The following INPP4B variants were observed in gnomAD, a reference collection of about 807,000 sequenced individuals.
INPP4B encodes the protein inositol polyphosphate 4-phosphatase type II.
A neutral mutation model predicts 122.5 loss-of-function variants in INPP4B; 55 were observed. The observed-to-expected ratio is 0.45, with a 90% CI of 0.36 to 0.56. The LOEUF is 0.56. INPP4B is among the 20% of genes least tolerant of loss of function. The pLI is 0.00. For synonymous variants in INPP4B, 403 were observed against 388.7 expected (o/e 1.04, Z -0.43); for missense variants, 1,000 against 1,097.7 (o/e 0.91, Z 1.26).
chr4:142,035,296 T>G (rs1439582688), intron 25 of INPP4B, among the ~76,000 whole-genome samples: 3 of 152,152 alleles, frequency 2.0e-5, no homozygotes, highest in African/African-American at 4.8e-5. Flanking sequence ...GAGGTTAGGA[T>G]GAATGAGATC....
At chr4:142,508,365 C>G (rs2042644) in intron 2 of INPP4B, among the ~76,000 whole-genome samples, 26,535 of 152,084 alleles carry the variant, frequency 0.17, 2,514 homozygotes, top group East Asian at 0.37. Flanking sequence ...CCTCTGCTCC[C>G]AGATTCAAGT....
At chr4:142,802,004 C>T (rs534401010) in intron 1 of INPP4B, among the ~76,000 whole-genome samples, 3 of 152,086 alleles carry the variant, frequency 2.0e-5, no homozygotes, top group Non-Finnish European at 4.4e-5. Context: ...TTAAAAAAGA[C>T]TCAGTTAGGG....
chr4:142,579,896 T>C (rs1302127949), intron 2 of INPP4B, among the ~76,000 whole-genome samples: 1 of 150,552 alleles, frequency 6.6e-6, no homozygotes, highest in Non-Finnish European at 1.5e-5. Context: ...GATAGATAGA[T>C]AGATAGATAG....
intron 25 of INPP4B, among the ~76,000 whole-genome samples, chr4:142,062,756 AACAAACAAACAAACAAACAG>A (rs1177254062): frequency 0.025 from 3,843 of 151,326 alleles, 178 homozygotes; most frequent in African/African-American, 0.089. Context: ...CAAACAAACA[AACAAACAAACAAACAAACAG>A]ACAAACAAAC....
chr4:142,733,909 T>G (rs549496901), intron 1 of INPP4B, among the ~76,000 whole-genome samples: 2 of 152,326 alleles, frequency 1.3e-5, no homozygotes, highest in East Asian at 3.9e-4. Context: ...TGCTATGCAT[T>G]AATGAGACTG....
At chr4:142,323,681 G>C (rs773299497) in intron 7 of INPP4B, among the ~76,000 whole-genome samples, 3 of 151,526 alleles carry the variant, frequency 2.0e-5, no homozygotes, top group African/African-American at 7.3e-5. Context: ...TCCTGACCTT[G>C]TGATCTGCCC....
chr4:142,447,109 A>C (rs754412617), intron 3 of INPP4B, among the ~76,000 whole-genome samples: 33 of 152,222 alleles, frequency 2.2e-4, no homozygotes, highest in Admixed American at 3.3e-4. Context: ...ATTCTGAAGC[A>C]GTGCGGTAGG....
chr4:142,302,975 C>T (rs1279300720), intron 9 of INPP4B, among the ~76,000 whole-genome samples: 1 of 152,004 alleles, frequency 6.6e-6, no homozygotes, highest in Non-Finnish European at 1.5e-5. Context: ...GAATAGAAAC[C>T]ACTTTATACA....
chr4:142,634,947 AGTTAT>A (rs1202178841), intron 2 of INPP4B, among the ~76,000 whole-genome samples: 22 of 152,148 alleles, frequency 1.4e-4, no homozygotes, highest in Non-Finnish European at 2.5e-4. Flanking sequence ...TTAATAAGTT[AGTTAT>A]GTTATGCATC....
intron 1 of INPP4B, among the ~76,000 whole-genome samples, chr4:142,795,944 C>A (rs1777183436): frequency 6.6e-6 from 1 of 151,924 alleles, no homozygotes; most frequent in African/African-American, 2.4e-5. Context: ...TATTTTCTCG[C>A]CTAATTTAAT....
intron 11 of INPP4B, among the ~76,000 whole-genome samples, chr4:142,247,339 T>C (rs1176069843): frequency 1.3e-5 from 2 of 152,202 alleles, no homozygotes; most frequent in African/African-American, 4.8e-5. Flanking sequence ...CCTCTTTTTC[T>C]ATTGTTTGGA....
intron 7 of INPP4B, among the ~76,000 whole-genome samples, chr4:142,398,445 TAA>T (rs1554048511): frequency 4.0e-5 from 3 of 74,568 alleles, no homozygotes; most frequent in African/African-American, 1.4e-4. Context: ...TATATATATA[TAA>T]AACATATTAA....
chr4:142,330,226 A>G (rs1301765030), intron 7 of INPP4B, among the ~76,000 whole-genome samples: 2 of 152,226 alleles, frequency 1.3e-5, no homozygotes, highest in Non-Finnish European at 2.9e-5. Context: ...AATACAAAAT[A>G]GAAGAGCCCC....
intron 5 of INPP4B, among the ~76,000 whole-genome samples, chr4:142,422,072 TTCTTAA>T (rs1276412967): frequency 3.9e-5 from 6 of 152,072 alleles, no homozygotes; most frequent in African/African-American, 1.4e-4. Flanking sequence ...GAATCTAGGA[TTCTTAA>T]TCTGTCCAGT....
rs537298523 is a variant in INPP4B, at chr4:142,292,163, C to G, written c.503+13295G>C. Among the ~76,000 whole-genome samples the G allele has an allele frequency of 6.6e-5, 10 of 152,200 alleles. No homozygotes were observed. The South Asian group carries it at 8.3e-4, about 13-fold the overall frequency. ...ATTTTTCTATTAAAGTATAGGAGAT[C>G]CTTTTCTTTAAATCTGGCTTATAAA... On this transcript the variant is annotated intron_variant, in intron 9 of 25. Transcript: ENST00000262992.
chr4:142,400,127 A>G (rs1015858138), intron 7 of INPP4B, among the ~76,000 whole-genome samples: 1 of 152,220 alleles, frequency 6.6e-6, no homozygotes, highest in Non-Finnish European at 1.5e-5. Context: ...CTTTAAAAAC[A>G]TCTAGTACAA....
chr4:142,740,536 A>G (rs1767753202), intron 1 of INPP4B, among the ~76,000 whole-genome samples: 1 of 152,070 alleles, frequency 6.6e-6, no homozygotes, highest in Admixed American at 6.6e-5. Flanking sequence ...TAGTGCAAAA[A>G]TTATGGGTAC....
intron 2 of INPP4B, among the ~76,000 whole-genome samples, chr4:142,640,546 C>T (rs1750160242): frequency 6.6e-6 from 1 of 151,734 alleles, no homozygotes; most frequent in Non-Finnish European, 1.5e-5. Flanking sequence ...AGGGATATAA[C>T]ATCAACAATT....
At chr4:142,426,038 CAT>C (rs970995504) in intron 5 of INPP4B, among the ~76,000 whole-genome samples, 4 of 151,990 alleles carry the variant, frequency 2.6e-5, no homozygotes, top group Non-Finnish European at 4.4e-5. Context: ...ACAAGGAACA[CAT>C]ATGCAAACAT....
Sources: allele counts gnomAD v4.1 joint callset (sites outside exome capture counted in the v4.1 genomes callset), GRCh38; gene constraint gnomAD v4.1.1; transcripts MANE v1.5; gene names NCBI Gene and HGNC (gene_info 2026-07-23, HGNC 2026-07-21).